ADCY9: variants seen among roughly 807,000 people sequenced by gnomAD.
The protein encoded by ADCY9 is adenylate cyclase 9.
A neutral mutation model predicts 101.5 loss-of-function variants in ADCY9; 50 were observed. The observed-to-expected ratio is 0.49, with a 90% CI of 0.39 to 0.62. The LOEUF is 0.62. Ranked by LOEUF, ADCY9 falls within the 20% of genes least tolerant of loss-of-function variation. The pLI, the probability that ADCY9 is intolerant of heterozygous loss-of-function variation, is 0.00. For missense variants in ADCY9, 1,662 were observed against 1,800.4 expected, an observed-to-expected ratio of 0.92 and a Z score of 1.39; for synonymous variants, 905 against 769.3, an observed-to-expected ratio of 1.18 and a Z score of -2.92.
chr16:4,008,659 C>A (rs537478269), intron 2 of ADCY9, among the ~76,000 whole-genome samples: 31 of 152,064 alleles, frequency 2.0e-4, no homozygotes, highest in African/African-American at 7.2e-4. Flanking sequence ...GCAGCCTCCA[C>A]CTCCTGGGTT....
intron 2 of ADCY9, among the ~76,000 whole-genome samples, chr16:4,062,303 A>G (rs2056777985): frequency 6.6e-6 from 1 of 152,228 alleles, no homozygotes; most frequent in South Asian, 2.1e-4. Context: ...ATATCTATTT[A>G]ACACAAAAGA....
chr16:3,977,787 G>C (rs531401988), intron 8 of ADCY9, among the ~76,000 whole-genome samples, 157 bp from the exon 9 acceptor site: 27 of 152,196 alleles, frequency 1.8e-4, no homozygotes, highest in African/African-American at 6.3e-4. Flanking sequence ...TGCAATCTCA[G>C]CTCACTGCAA....
intron 6 of ADCY9, among the ~76,000 whole-genome samples, chr16:3,985,531 G>T (rs73508317): frequency 0.021 from 3,156 of 152,266 alleles, 94 homozygotes; most frequent in African/African-American, 0.072. Flanking sequence ...TCTAGTGCCC[G>T]TCAGGGGTTC....
chr16:4,072,633 G>C (rs1462342263), intron 2 of ADCY9, among the ~76,000 whole-genome samples: 1 of 152,128 alleles, frequency 6.6e-6, no homozygotes, highest in African/African-American at 2.4e-5. Context: ...GAAAATGCTT[G>C]AAGAAGAAAG....
chr16:4,044,212 T>G (rs572199356), intron 2 of ADCY9, among the ~76,000 whole-genome samples: 1 of 151,954 alleles, frequency 6.6e-6, no homozygotes, highest in South Asian at 2.1e-4. Context: ...CCAGGTGTGG[T>G]GGTGTGTGCC....
At chr16:4,099,620 AGG>A (rs1333499182) in intron 2 of ADCY9, among the ~76,000 whole-genome samples, 1 of 152,250 alleles carries the variant, frequency 6.6e-6, no homozygotes, top group Non-Finnish European at 1.5e-5. Context: ...GCCAACTTAA[AGG>A]GGCTCCCATG....
In ADCY9 at chr16:4,115,281, G is replaced by T; in HGVS notation, c.162C>A (p.Cys54Ter). The change falls in exon 2 of 11, where the codon TGC (cysteine) becomes TGA (stop). Residue 54 changes from cysteine (C) to a stop codon, truncating the protein, a stop_gained. Transcript: ENST00000294016. LOFTEE classifies it high-confidence loss of function. The surrounding 1 kb of genome is among the most constrained non-coding windows in gnomAD (Gnocchi z 6.2). Reference sequence around the variant, plus strand: ...CGCCCCCGGAGTCCCCAGAGCTGCTGCAGCTAGAGGAGATGCTGTATTTGC... The same window carrying T: ...CGCCCCCGGAGTCCCCAGAGCTGCTTCAGCTAGAGGAGATGCTGTATTTGC... ...KHCKYSISSS[C>*]SSSGDSGGVP... The T allele has an allele frequency of 6.2e-7, 1 of 1,613,846 alleles. No individual in the cohort carries two copies. The highest frequency in any genetic ancestry group is 2.2e-5 in the East Asian group (1 of 44,856).
At chr16:3,983,495 C>T (rs961084587) in intron 6 of ADCY9, 55 bp from the exon 7 acceptor site, 52 of 1,462,382 alleles carry the variant, frequency 3.6e-5, no homozygotes, top group East Asian at 2.9e-4. Context: ...CGGCCAGGAG[C>T]GCAGTTCAGA....
intron 2 of ADCY9, among the ~76,000 whole-genome samples, chr16:4,048,210 T>C (rs1212185694): frequency 2.6e-5 from 4 of 152,198 alleles, no homozygotes; most frequent in African/African-American, 4.8e-5. Flanking sequence ...ATGTAATTAG[T>C]CATAAACCCT....
At position 3,992,335 on chromosome 16, in the gene ADCY9, T is replaced by C. The variant is rs1386547859; in HGVS notation, c.2018A>G (p.Gln673Arg). Reference sequence around the variant, plus strand: ...TTGGGGAGGGCTGAGGAGCCCGTTCTGAGTTTTGGGATTAGGTCCTCCAGA... The same window carrying C: ...TTGGGGAGGGCTGAGGAGCCCGTTCCGAGTTTTGGGATTAGGTCCTCCAGA... ...KASGGPNPKTQNGLLSPPQEE... is the reference protein window; with the variant it reads ...KASGGPNPKTRNGLLSPPQEE... The change falls in exon 5 of 11, where the codon CAG becomes CGG. Residue 673 changes from glutamine to arginine, a missense_variant. Gln to Arg is a conservative substitution (Grantham distance 43, BLOSUM62 1). Around this residue, in one of 5 missense-constraint regions of ADCY9, gnomAD observed 624 missense variants for 639.1 expected, o/e 0.98. Coordinates refer to ENST00000294016, the MANE Select transcript of ADCY9 (RefSeq NM_001116.4). The surrounding 1 kb of genome is among the most constrained non-coding windows in gnomAD (Gnocchi z 4.2). 1 of 1,614,056 alleles carries C rather than the reference T, an allele frequency of 6.2e-7. No individual in the cohort carries two copies. The highest frequency in any genetic ancestry group is 8.5e-7 in the Non-Finnish European group (1 of 1,180,016).
chr16:4,046,908 G>A (rs1873129717), intron 2 of ADCY9, among the ~76,000 whole-genome samples: 1 of 152,118 alleles, frequency 6.6e-6, no homozygotes. Flanking sequence ...TACTTGGGAG[G>A]CTGAGGTAGG....
Position 4,051,552 on chromosome 16 carries a change from A to G in ADCY9, c.1694-43994T>C, listed in dbSNP as rs11866846. ...AAAAAAAAAAAAGAAGAAGAAGTAA[A>G]GATGTGCTCAAAGAATGACATGAAC... On this transcript the variant is annotated intron_variant, in intron 2 of 10. Transcript: ENST00000294016. 5.5e-3 allele frequency among the ~76,000 whole-genome samples: 839 copies of G among 152,170 alleles called. 6 individuals carry two copies. The highest frequency in any genetic ancestry group is 0.018 in the African/African-American group (754 of 41,520).
intron 2 of ADCY9, among the ~76,000 whole-genome samples, chr16:4,042,722 C>G (rs748855558): frequency 3.3e-5 from 5 of 152,200 alleles, no homozygotes; most frequent in Non-Finnish European, 7.3e-5. Context: ...TAGACCAGCG[C>G]TGACATGAAA....
rs889537926 is a variant in ADCY9, at chr16:4,074,272, T to C, written c.1693+39478A>G. 2.0e-5 allele frequency among the ~76,000 whole-genome samples: 3 copies of C among 152,046 alleles called. No individual in the cohort carries two copies. The South Asian group carries it at 6.2e-4, about 31-fold the overall frequency. On this transcript the variant is annotated intron_variant, in intron 2 of 10. Coordinates refer to ENST00000294016, the MANE Select transcript of ADCY9 (RefSeq NM_001116.4). The stretch of plus-strand genomic sequence containing the variant: ...GAAGAATTCTTACGAGGTTCTTATA[T>C]AATAAATGGTATAATATTTGGAGGC...
At chr16:4,035,266 A>G (rs187173322) in intron 2 of ADCY9, among the ~76,000 whole-genome samples, 8 of 152,358 alleles carry the variant, frequency 5.3e-5, no homozygotes, top group African/African-American at 1.7e-4. Flanking sequence ...AACCAGTGTC[A>G]GAATTCTGCC....
At chr16:4,100,102 G>C (rs116306946) in intron 2 of ADCY9, among the ~76,000 whole-genome samples, 2,196 of 152,158 alleles carry the variant, frequency 0.014, 49 homozygotes, top group African/African-American at 0.05. Flanking sequence ...TGCTGTTCTC[G>C]TGAGAGTGAG....
chr16:4,057,560 G>A (rs570967660), intron 2 of ADCY9, among the ~76,000 whole-genome samples: 13 of 152,146 alleles, frequency 8.5e-5, no homozygotes, highest in African/African-American at 2.9e-4. Flanking sequence ...CTATCTCCCC[G>A]CCAGCCCTGC....
chr16:4,081,429 G>A (rs1431762505), intron 2 of ADCY9, among the ~76,000 whole-genome samples: 1 of 152,250 alleles, frequency 6.6e-6, no homozygotes, highest in Non-Finnish European at 1.5e-5. Flanking sequence ...ATGCTTTGCA[G>A]AGCTCCAGAT....
At chr16:4,043,990 G>C (rs1030733121) in intron 2 of ADCY9, among the ~76,000 whole-genome samples, 2 of 152,030 alleles carry the variant, frequency 1.3e-5, no homozygotes, top group African/African-American at 4.8e-5. Context: ...TTGAATGCTA[G>C]TTTCTTCCTT....
Sources: gnomAD v4.1 joint callset for allele counts (sites outside exome capture counted in the v4.1 genomes callset) on GRCh38, gnomAD v4.1.1 for gene constraint, gnomAD v4.1.1 regional missense constraint, Gnocchi (gnomAD v3.1) non-coding constraint, MANE v1.5 for transcripts, NCBI Gene and HGNC (gene_info 2026-07-23, HGNC 2026-07-21) for gene names.